EIF5B: variants seen among roughly 807,000 people sequenced by gnomAD.
The protein encoded by EIF5B is eIF-5B.
Under a neutral mutation model 147.5 loss-of-function variants are expected in EIF5B, and 47 were observed. The observed-to-expected ratio is 0.32, with a 90% CI of 0.25 to 0.41. EIF5B has a LOEUF of 0.41. EIF5B is among the 10% of genes least tolerant of loss of function. The pLI, the probability that EIF5B is intolerant of heterozygous loss-of-function variation, is 1.00. For missense variants in EIF5B, 1,064 were observed against 1,413.2 expected (o/e 0.75, Z 3.96); for synonymous variants, 455 against 456.2 (o/e 1.00, Z 0.03).
chr2:99,359,943 C>CA (rs1273026786), intron 1 of EIF5B, among the ~76,000 whole-genome samples: 1 of 152,114 alleles, frequency 6.6e-6, no homozygotes, highest in East Asian at 1.9e-4. Flanking sequence ...TTCAGACGCA[C>CA]AAAAAACCTT....
intron 6 of EIF5B, among the ~76,000 whole-genome samples, chr2:99,364,640 T>C (rs1674290151): frequency 6.6e-6 from 1 of 152,222 alleles, no homozygotes; most frequent in African/African-American, 2.4e-5. Context: ...TGATAGTATG[T>C]CTAAATAAGT....
chr2:99,390,783 T>C lies in EIF5B; in HGVS notation c.2748+78T>C, dbSNP rs1674909405. 4 of 1,459,214 alleles carry C rather than the reference T, an allele frequency of 2.7e-6. No homozygotes were observed. In the East Asian group the frequency reaches 9.2e-5, roughly 33 times the overall value. 90.4% of individuals were successfully genotyped at this position (1,459,214 alleles called of 1,614,324 possible). A position where few individuals can be genotyped will look rare whatever the true frequency, so the allele number is the denominator to read the frequency against. On this transcript the variant is annotated intron_variant, in intron 17 of 23. Transcript: ENST00000289371. The stretch of plus-strand genomic sequence containing the variant: ...GTTCTGCTGAGATGGTTTCCTCACT[T>C]TGAAAGCTGTTTGACTTAATACAGA...
In EIF5B at chr2:99,361,440, T is replaced by C; in HGVS notation, c.539T>C (p.Ile180Thr). Reference protein sequence around the residue: ...NSKKIKERSRINSSGESGDES... With the variant: ...NSKKIKERSRTNSSGESGDES... ...AAAAAAATTAAAGAGCGTTCAAGAA[T>C]AAATTCTTCTGGTGAAAGTGGTGAT... The change falls in exon 4 of 24, where the codon ATA becomes ACA. Residue 180 changes from isoleucine (I) to threonine (T), a missense_variant. By Grantham distance (89) the Ile-to-Thr change is moderately conservative (BLOSUM62 -1). Around this residue, in one of 4 missense-constraint regions of EIF5B, gnomAD observed 458 missense variants for 451.3 expected, o/e 1.01. Coordinates refer to ENST00000289371, the MANE Select transcript of EIF5B (RefSeq NM_015904.4). The C allele has an allele frequency of 6.2e-7, 1 of 1,613,992 alleles. No individual in the cohort carries two copies. The highest frequency in any genetic ancestry group is 1.1e-5 in the South Asian group (1 of 91,072).
intron 13 of EIF5B, 25 bp from the exon 14 acceptor site, chr2:99,382,755 T>G: frequency 1.3e-6 from 2 of 1,572,880 alleles, no homozygotes; most frequent in African/African-American, 2.8e-5. Context: ...TTTCTACTTA[T>G]AGATCTTTTC....
At chr2:99,356,060 T>TTA (rs1374020379) in intron 1 of EIF5B, among the ~76,000 whole-genome samples, 1 of 152,246 alleles carries the variant, frequency 6.6e-6, no homozygotes, top group Non-Finnish European at 1.5e-5. Context: ...CGAATCAATA[T>TTA]TATTAAGCGA....
intron 1 of EIF5B, among the ~76,000 whole-genome samples, chr2:99,347,289 G>A (rs1178764846): frequency 6.6e-6 from 1 of 152,228 alleles, no homozygotes; most frequent in East Asian, 1.9e-4. Context: ...TTACAGGCAT[G>A]AGCCACTGTG....
intron 1 of EIF5B, among the ~76,000 whole-genome samples, chr2:99,353,323 A>G (rs1414507657): frequency 2.0e-5 from 3 of 150,372 alleles, no homozygotes; most frequent in Non-Finnish European, 4.4e-5. Flanking sequence ...TGCCTGGCTA[A>G]TTTCTTTGTA....
chr2:99,376,289 T>C, intron 9 of EIF5B, 58 bp from the exon 10 acceptor site: 2 of 1,149,640 alleles, frequency 1.7e-6, no homozygotes, highest in Middle Eastern at 3.0e-4. Context: ...GTCTCTTATC[T>C]TGATATAAAT....
In EIF5B at chr2:99,360,542, C is replaced by T. The variant is rs1674186751; in HGVS notation, c.239C>T (p.Ala80Val). The part of the protein sequence containing the change: ...QGIKADRETV[A>V]VKPTENNEEE... ...ATCAAAGCTGACAGAGAAACTGTTG[C>T]AGTGAAGGTGAAAGACAGACCTTTG... is the stretch of plus-strand genomic sequence containing the variant. Residue 80 changes from alanine to valine, a missense_variant, in exon 3 of 24, where the codon GCA becomes GTA. By Grantham distance (64) the Ala-to-Val change is moderately conservative (BLOSUM62 0). This residue lies in a region of EIF5B where 458 missense variants were observed against 451.3 expected (regional missense o/e 1.01). Transcript: ENST00000289371. 6.2e-7 allele frequency: 1 copy of T among 1,612,834 alleles called. No individual in the cohort carries two copies. Among genetic ancestry groups the T allele is most frequent in the Non-Finnish European group, 8.5e-7 (1 of 1,179,588 alleles).
intron 1 of EIF5B, among the ~76,000 whole-genome samples, chr2:99,351,952 G>A (rs914848708): frequency 3.9e-5 from 6 of 151,920 alleles, no homozygotes; most frequent in East Asian, 3.9e-4. Flanking sequence ...TGCCCACCTC[G>A]GCCTCCCAAA....
At chr2:99,364,030 T>C (rs1325918290) in intron 5 of EIF5B, among the ~76,000 whole-genome samples, 168 bp downstream of exon 5, 1 of 152,250 alleles carries the variant, frequency 6.6e-6, no homozygotes, top group Non-Finnish European at 1.5e-5. Context: ...GCACATCTTA[T>C]CTTTATTTTC....
intron 1 of EIF5B, among the ~76,000 whole-genome samples, chr2:99,359,552 A>G (rs1674163312): frequency 6.6e-6 from 1 of 152,106 alleles, no homozygotes; most frequent in Admixed American, 6.6e-5. Flanking sequence ...TTTTAGCTGG[A>G]ACTTAATTTG....
chr2:99,371,627 G>A (rs778407811), intron 8 of EIF5B, 29 bp from the exon 9 acceptor site: 1 of 1,584,684 alleles, frequency 6.3e-7, no homozygotes, highest in Non-Finnish European at 8.6e-7. Flanking sequence ...AATAATTTTT[G>A]TGTCTTAAAT....
Position 99,369,342 on chromosome 2 carries a change from G to A in EIF5B, c.1388-50G>A, listed in dbSNP as rs775301435. 4 of 1,474,452 alleles carry A rather than the reference G, an allele frequency of 2.7e-6. No individual in the cohort carries two copies. In the Admixed American group the frequency reaches 5.7e-5, roughly 21 times the overall value. The allele number at this position is 1,474,452 out of a possible 1,614,324, so 91.3% of individuals were successfully genotyped here. A position where few individuals can be genotyped will look rare whatever the true frequency, so the allele number is the denominator to read the frequency against. The stretch of plus-strand genomic sequence containing the variant: ...CAGTACTTAATGGAGTATCTTAACA[G>A]AAATTATACACCAAAAAAAATATTA... On this transcript the variant is annotated intron_variant, in intron 7 of 23. Coordinates refer to ENST00000289371, the MANE Select transcript of EIF5B (RefSeq NM_015904.4).
intron 1 of EIF5B, among the ~76,000 whole-genome samples, chr2:99,338,783 A>C (rs1299983278): frequency 2.0e-5 from 3 of 151,870 alleles, no homozygotes; most frequent in Non-Finnish European, 4.4e-5. Flanking sequence ...TGTATAGGGT[A>C]CTTTTTTCCT....
At position 99,360,264 on chromosome 2, in the gene EIF5B, T is replaced by G. The variant is rs537016230; in HGVS notation, c.64T>G (p.Leu22Val). Reference sequence around the variant, plus strand: ...CAAGGATGACATTGATCTTGATGCCTTGGCTGCAGAAATAGAAGGAGCTGG... The same window carrying G: ...CAAGGATGACATTGATCTTGATGCCGTGGCTGCAGAAATAGAAGGAGCTGG... ...STKDDIDLDA[L>V]AAEIEGAGAA... Residue 22 changes from leucine to valine, a missense_variant, in exon 2 of 24, where the codon TTG (leucine) becomes GTG (valine). By Grantham distance (32) the Leu-to-Val change is conservative (BLOSUM62 1). Around this residue, in one of 4 missense-constraint regions of EIF5B, gnomAD observed 458 missense variants for 451.3 expected, o/e 1.01. Transcript: ENST00000289371. The G allele has an allele frequency of 2.5e-6, 4 of 1,607,078 alleles. No individual in the cohort carries two copies. The highest frequency in any genetic ancestry group is 2.7e-5 in the African/African-American group (2 of 74,564).
chr2:99,365,552 C>A (rs1200966946), intron 6 of EIF5B, among the ~76,000 whole-genome samples: 1 of 152,040 alleles, frequency 6.6e-6, no homozygotes, highest in East Asian at 1.9e-4. Flanking sequence ...ATTGGAGAGG[C>A]TAAAAGCACC....
intron 9 of EIF5B, 107 bp from the exon 10 acceptor site, chr2:99,376,240 G>T (rs1674561842): frequency 1.5e-6 from 1 of 684,002 alleles, no homozygotes; most frequent in Admixed American, 3.1e-5. Context: ...TTGTAATGTG[G>T]CTCAGGGAAG....
Position 99,394,604 on chromosome 2 carries a change from T to C in EIF5B, c.3089+19T>C. The C allele has an allele frequency of 1.2e-6, 2 of 1,613,994 alleles. No individual in the cohort carries two copies. The highest frequency in any genetic ancestry group is 1.7e-6 in the Non-Finnish European group (2 of 1,179,948). Reference sequence around the variant, plus strand: ...ACCCTCAGTAAGTAATTTCTCTTGCTATGAAGGCTTTCATGTTACGTAGCT... The same window carrying C: ...ACCCTCAGTAAGTAATTTCTCTTGCCATGAAGGCTTTCATGTTACGTAGCT... On this transcript the variant is annotated intron_variant, in intron 20 of 23. Transcript: ENST00000289371.
Sources: allele counts gnomAD v4.1 joint callset (sites outside exome capture counted in the v4.1 genomes callset), GRCh38; gene constraint gnomAD v4.1.1; regional missense constraint gnomAD v4.1.1; transcripts MANE v1.5; gene names NCBI Gene and HGNC (gene_info 2026-07-23, HGNC 2026-07-21).